The following TSC22D1 variants were observed in gnomAD, a reference collection of about 807,000 sequenced individuals.
TSC22D1 encodes the protein TSC22 domain family member 1, also known as TSC22 domain family protein 1.
Under a neutral mutation model 74.2 loss-of-function variants are expected in TSC22D1, and 9 were observed. That is an observed-to-expected ratio of 0.12 (90% CI 0.07 to 0.21). The LOEUF (loss-of-function observed/expected upper bound fraction) is 0.21. TSC22D1 is among the 10% of genes least tolerant of loss of function. TSC22D1 has a pLI of 1.00. For synonymous variants in TSC22D1, 586 were observed against 492.5 expected, an observed-to-expected ratio of 1.19 and a Z score of -2.51; for missense variants, 1,427 against 1,304.7, an observed-to-expected ratio of 1.09 and a Z score of -1.44.
Position 44,551,389 on chromosome 13 carries a change from GGTGTGTGT to G in TSC22D1, c.2912+21766_2912+21773del, listed in dbSNP as rs376368576. Among the ~76,000 whole-genome samples, 1,164 of 125,288 alleles carry G rather than the reference GGTGTGTGT, an allele frequency of 9.3e-3. 14 individuals carry two copies. The highest frequency in any genetic ancestry group is 0.014 in the African/African-American group (451 of 32,096). The allele number at this position is 125,288 out of a possible 152,430, so 82.2% of individuals were successfully genotyped here. On this transcript the variant is annotated intron_variant, in intron 1 of 2. Transcript: ENST00000458659. ...AAAAACCCAAAACCCCAATCAGATG[GGTGTGTGT>G]GTGTGTGTGTGTGTGTGTGTGTGTG...
chr13:44,524,087 G>A (rs1205574609), intron 1 of TSC22D1, among the ~76,000 whole-genome samples: 1 of 152,130 alleles, frequency 6.6e-6, no homozygotes, highest in Non-Finnish European at 1.5e-5. Flanking sequence ...AAACTTAGTA[G>A]ATCCTCAATA....
At chr13:44,465,266 A>G (rs1339537059) in intron 1 of TSC22D1, among the ~76,000 whole-genome samples, 1 of 152,118 alleles carries the variant, frequency 6.6e-6, no homozygotes, top group African/African-American at 2.4e-5. Flanking sequence ...CCTCCCAGGA[A>G]AAAAAAATGC....
chr13:44,573,423 C>T lies in TSC22D1; in HGVS notation c.2652G>A (p.Leu884=), dbSNP rs751943787. 7 of 1,614,236 alleles carry T rather than the reference C, an allele frequency of 4.3e-6. No homozygotes were observed. Among genetic ancestry groups the T allele is most frequent in the Non-Finnish European group, 5.1e-6 (6 of 1,180,056 alleles). The change falls in exon 1 of 3, where the codon TTG becomes TTA. Residue 884 remains leucine (L), a synonymous_variant. Coordinates refer to ENST00000458659, the MANE Select transcript of TSC22D1 (RefSeq NM_183422.4). The part of the protein sequence containing the change: ...QPPLIATNTN[L]PLAQQIPLSS... ...TTAGTGGTATCTGTTGTGCCAAAGGCAAATTTGTATTAGTTGCTATCAAGG... is the reference window on the plus strand; with the variant it reads ...TTAGTGGTATCTGTTGTGCCAAAGGTAAATTTGTATTAGTTGCTATCAAGG...
At position 44,539,381 on chromosome 13, in the gene TSC22D1, A is replaced by G. The variant is rs775831159; in HGVS notation, c.2912+33782T>C. 2.5e-4 allele frequency: 242 copies of G among 985,248 alleles called. 2 individuals carry two copies. Among genetic ancestry groups the G allele is most frequent in the Middle Eastern group, 1.0e-3 (2 of 1,936 alleles). 61.0% of individuals were successfully genotyped at this position (985,248 alleles called of 1,614,324 possible). A position where few individuals can be genotyped will look rare whatever the true frequency, so the allele number is the denominator to read the frequency against. ...TAACACTTGGACATGTGACTGTATA[A>G]ATTAGACTTCAAATGTCCAGTTTGC... On this transcript the variant is annotated intron_variant, in intron 1 of 2. Transcript: ENST00000458659.
At chr13:44,507,680 A>G (rs1879503602) in intron 1 of TSC22D1, among the ~76,000 whole-genome samples, 1 of 152,248 alleles carries the variant, frequency 6.6e-6, no homozygotes, top group Admixed American at 6.5e-5. Context: ...AGTATTTCAT[A>G]TGAAAACAAA....
In TSC22D1 at chr13:44,575,078, G is replaced by C. The variant is rs771431191; in HGVS notation, c.997C>G (p.Leu333Val). The stretch of plus-strand genomic sequence containing the variant: ...CTTGTACTTATATTAACATTACCAA[G>C]CATGCTGCTTGTCACATTAGGATTA... ...SFNPNVTSSM[L>V]GNVNISTSNI... Residue 333 changes from leucine (L) to valine (V), a missense_variant, in exon 1 of 3, where the codon CTT (leucine) becomes GTT (valine). Transcript: ENST00000458659. 3.7e-6 allele frequency: 6 copies of C among 1,614,148 alleles called. No homozygotes were observed. Among genetic ancestry groups the C allele is most frequent in the Non-Finnish European group, 5.1e-6 (6 of 1,180,030 alleles).
intron 1 of TSC22D1, among the ~76,000 whole-genome samples, chr13:44,496,457 TG>T (rs1346705860): frequency 6.6e-6 from 1 of 151,698 alleles, no homozygotes; most frequent in Non-Finnish European, 1.5e-5. Context: ...CCGAGGCGGG[TG>T]GATCACCTGA....
At chr13:44,446,159 A>G (rs371803557) in intron 1 of TSC22D1, among the ~76,000 whole-genome samples, 2 of 152,236 alleles carry the variant, frequency 1.3e-5, no homozygotes, top group African/African-American at 4.8e-5. Context: ...ACATCTAGAC[A>G]ATGCAATAAT....
intron 1 of TSC22D1, among the ~76,000 whole-genome samples, chr13:44,461,648 T>C (rs1595095549): frequency 6.6e-6 from 1 of 152,136 alleles, no homozygotes; most frequent in African/African-American, 2.4e-5. Context: ...TTATGGAAGG[T>C]GCCCAAACAG....
intron 1 of TSC22D1, among the ~76,000 whole-genome samples, chr13:44,570,795 G>A (rs1214317493): frequency 6.6e-6 from 1 of 152,138 alleles, no homozygotes; most frequent in African/African-American, 2.4e-5. Flanking sequence ...AGATGCAAGT[G>A]ACAACAGAAG....
At chr13:44,454,983 T>G (rs1480992265) in intron 1 of TSC22D1, among the ~76,000 whole-genome samples, 3 of 152,200 alleles carry the variant, frequency 2.0e-5, no homozygotes, top group Non-Finnish European at 4.4e-5. Context: ...TGTCAGGAAC[T>G]GTTCTAGGCA....
chr13:44,537,369 T>C (rs1881211109), intron 1 of TSC22D1: 4 of 985,132 alleles, frequency 4.1e-6, no homozygotes, highest in Non-Finnish European at 3.6e-6. Context: ...TGACTAGAAA[T>C]GCACTTACAT....
Position 44,576,121 on chromosome 13 carries a change from T to C in TSC22D1, c.-47A>G, listed in dbSNP as rs759313620. 1.0e-4 allele frequency: 147 copies of C among 1,455,706 alleles called. No homozygotes were observed. Among genetic ancestry groups the C allele is most frequent in the Non-Finnish European group, 1.3e-4 (144 of 1,109,978 alleles). 90.2% of individuals were successfully genotyped at this position (1,455,706 alleles called of 1,614,324 possible). On this transcript the variant is annotated 5_prime_UTR_variant, in exon 1 of 3. Coordinates refer to ENST00000458659, the MANE Select transcript of TSC22D1 (RefSeq NM_183422.4). ...GGAGGAGACGAGTGCAATTTCCTTC[T>C]GCACCGTAATCTTTGTATTGGAGAC...
chr13:44,544,705 T>C (rs1181426280), intron 1 of TSC22D1, among the ~76,000 whole-genome samples: 1 of 152,100 alleles, frequency 6.6e-6, no homozygotes. Flanking sequence ...GCTCAACATC[T>C]AGCCAAATTC....
At chr13:44,454,102 ATGC>A (rs753796047) in intron 1 of TSC22D1, among the ~76,000 whole-genome samples, 1 of 152,250 alleles carries the variant, frequency 6.6e-6, no homozygotes, top group Non-Finnish European at 1.5e-5. Flanking sequence ...AGTTAGGGTA[ATGC>A]TGCACAAACA....
intron 1 of TSC22D1, among the ~76,000 whole-genome samples, chr13:44,503,329 G>GA (rs145323001): frequency 0.094 from 14,161 of 151,248 alleles, 814 homozygotes; most frequent in Non-Finnish European, 0.13. Flanking sequence ...AAAGTACACA[G>GA]AAAAAAAACA....
intron 1 of TSC22D1, among the ~76,000 whole-genome samples, chr13:44,512,383 A>G (rs1216258718): frequency 6.6e-6 from 1 of 151,744 alleles, no homozygotes; most frequent in African/African-American, 2.4e-5. Context: ...GTTAGCCAGG[A>G]TGGTCTCGAT....
Position 44,575,327 on chromosome 13 carries a change from T to C in TSC22D1, c.748A>G (p.Thr250Ala). ...SHVAVASASITGGPPSSPVSR... is the reference protein window; with the variant it reads ...SHVAVASASIAGGPPSSPVSR... ...ACTGGGCTTGAGGGTGGCCCACCAG[T>C]AATGGATGCACTGGCCACAGCAACA... The change falls in exon 1 of 3, where the codon ACT becomes GCT. Residue 250 changes from threonine (T) to alanine (A), a missense_variant. This residue lies in a region of TSC22D1 where 1,343 missense variants were observed against 1,191.5 expected (regional missense o/e 1.13). Transcript: ENST00000458659. The C allele has an allele frequency of 6.2e-7, 1 of 1,614,180 alleles. No homozygotes were observed. Among genetic ancestry groups the C allele is most frequent in the Non-Finnish European group, 8.5e-7 (1 of 1,180,026 alleles).
chr13:44,433,910 C>G lies in TSC22D1; in HGVS notation c.*716G>C, dbSNP rs138508898. On this transcript the variant is annotated 3_prime_UTR_variant, in exon 3 of 3. Coordinates refer to ENST00000458659, the MANE Select transcript of TSC22D1 (RefSeq NM_183422.4). ...GACAGCCAATGAAACAACTAAATTTCAATCTGTACAACCTAAATAGTAGTT... is the reference window on the plus strand; with the variant it reads ...GACAGCCAATGAAACAACTAAATTTGAATCTGTACAACCTAAATAGTAGTT... 1.3e-4 allele frequency: 176 copies of G among 1,396,986 alleles called. 2 individuals are homozygous for G. The East Asian group carries it at 4.8e-3, about 38-fold the overall frequency. 86.5% of individuals were successfully genotyped at this position (1,396,986 alleles called of 1,614,324 possible).
Sources: gnomAD v4.1 joint callset for allele counts (sites outside exome capture counted in the v4.1 genomes callset) on GRCh38, gnomAD v4.1.1 for gene constraint, gnomAD v4.1.1 regional missense constraint, MANE v1.5 for transcripts, NCBI Gene and HGNC (gene_info 2026-07-23, HGNC 2026-07-21) for gene names.